AUTS2: variants seen among roughly 807,000 people sequenced by gnomAD.
The protein encoded by AUTS2 is autism susceptibility gene 2 protein.
A neutral mutation model predicts 112.4 loss-of-function variants in AUTS2; 17 were observed. The observed-to-expected ratio is 0.15, with a 90% CI of 0.10 to 0.23. The LOEUF (loss-of-function observed/expected upper bound fraction) is 0.23. Among genes scored for constraint, AUTS2 ranks in the 10% least tolerant of loss-of-function variants. AUTS2 has a pLI of 1.00. For synonymous variants in AUTS2, 751 were observed against 702.7 expected (o/e 1.07, Z -1.09); for missense variants, 1,510 against 1,701.6 (o/e 0.89, Z 1.98).
chr7:69,700,983 G>A (rs545141205), intron 1 of AUTS2, among the ~76,000 whole-genome samples: 2 of 152,222 alleles, frequency 1.3e-5, no homozygotes, highest in African/African-American at 4.8e-5. Context: ...GTCCTGTAAG[G>A]GTCCACATAG....
intron 4 of AUTS2, among the ~76,000 whole-genome samples, chr7:70,361,303 A>C (rs1792252983): frequency 6.6e-6 from 1 of 152,070 alleles, no homozygotes; most frequent in African/African-American, 2.4e-5. Context: ...ACTGCACTCC[A>C]GCCTGGGTAA....
chr7:70,036,590 CTCT>C (rs1316652416), intron 2 of AUTS2, among the ~76,000 whole-genome samples: 2 of 152,320 alleles, frequency 1.3e-5, no homozygotes, highest in Admixed American at 6.5e-5. Flanking sequence ...ATTTGCTCAC[CTCT>C]TCTTCTCCAC....
intron 2 of AUTS2, among the ~76,000 whole-genome samples, chr7:70,026,201 C>T (rs79922525): frequency 0.021 from 3,224 of 152,294 alleles, 133 homozygotes; most frequent in African/African-American, 0.074. Flanking sequence ...GGAAAACGCT[C>T]CTTAGTTTCA....
At chr7:69,819,215 C>G (rs1452847929) in intron 1 of AUTS2, among the ~76,000 whole-genome samples, 1 of 152,200 alleles carries the variant, frequency 6.6e-6, no homozygotes, top group Non-Finnish European at 1.5e-5. Context: ...TTTTCCTTTT[C>G]CAGTAGAAAT....
intron 4 of AUTS2, among the ~76,000 whole-genome samples, chr7:70,233,189 CCT>C (rs1367859508): frequency 6.6e-6 from 1 of 152,026 alleles, no homozygotes; most frequent in Non-Finnish European, 1.5e-5. Context: ...GAGCTGAATC[CCT>C]CTTGTAGAAA....
intron 2 of AUTS2, among the ~76,000 whole-genome samples, chr7:70,020,112 G>A (rs1385978452): frequency 6.6e-6 from 1 of 152,212 alleles, no homozygotes; most frequent in Non-Finnish European, 1.5e-5. Flanking sequence ...ACATGTTGAT[G>A]CATAGGGACA....
At chr7:70,524,916 T>A (rs1799780594) in intron 5 of AUTS2, among the ~76,000 whole-genome samples, 1 of 152,232 alleles carries the variant, frequency 6.6e-6, no homozygotes, top group South Asian at 2.1e-4. Context: ...AAAGTTTATG[T>A]CAGCTCGTCA....
At chr7:69,863,557 A>T (rs1793085404) in intron 1 of AUTS2, among the ~76,000 whole-genome samples, 1 of 152,192 alleles carries the variant, frequency 6.6e-6, no homozygotes. Context: ...TGTCTGTCAG[A>T]TTCTCATAGT....
intron 4 of AUTS2, among the ~76,000 whole-genome samples, chr7:70,429,478 A>G (rs563559427): frequency 6.6e-6 from 1 of 152,250 alleles, no homozygotes; most frequent in Non-Finnish European, 1.5e-5. Flanking sequence ...TTGGAGGAAT[A>G]GAATTCCCAG....
chr7:70,681,562 G>T (rs192042739), intron 5 of AUTS2, among the ~76,000 whole-genome samples: 85 of 151,464 alleles, frequency 5.6e-4, no homozygotes, highest in African/African-American at 1.9e-3. Flanking sequence ...AGAGTAACTT[G>T]TTCCCCCAAG....
intron 1 of AUTS2, among the ~76,000 whole-genome samples, chr7:69,694,219 A>G (rs1461662469): frequency 6.6e-6 from 1 of 152,200 alleles, no homozygotes; most frequent in Non-Finnish European, 1.5e-5. Flanking sequence ...TTCATTAAAA[A>G]CAAATAGGGA....
chr7:70,584,194 C>T (rs1802583434), intron 5 of AUTS2, among the ~76,000 whole-genome samples: 1 of 152,156 alleles, frequency 6.6e-6, no homozygotes, highest in Non-Finnish European at 1.5e-5. Context: ...TAGACAGCCG[C>T]ACTGCATTTA....
intron 1 of AUTS2, among the ~76,000 whole-genome samples, chr7:69,620,017 AT>A (rs2129089823): frequency 6.6e-6 from 1 of 152,332 alleles, no homozygotes; most frequent in Non-Finnish European, 1.5e-5. Flanking sequence ...AAATGCCTTC[AT>A]GAATCTACTT....
chr7:70,280,246 T>C (rs1239574756), intron 4 of AUTS2, among the ~76,000 whole-genome samples: 1 of 151,936 alleles, frequency 6.6e-6, no homozygotes, highest in Non-Finnish European at 1.5e-5. Flanking sequence ...GCTTTAGGAA[T>C]AAGTGAGGGA....
At chr7:70,467,642 G>A (rs545416038) in intron 5 of AUTS2, among the ~76,000 whole-genome samples, 1 of 152,272 alleles carries the variant, frequency 6.6e-6, no homozygotes, top group South Asian at 2.1e-4. Flanking sequence ...AACCCAACAG[G>A]GTGGTTGCTT....
At chr7:70,589,741 C>T (rs1364727173) in intron 5 of AUTS2, among the ~76,000 whole-genome samples, 4 of 152,000 alleles carry the variant, frequency 2.6e-5, no homozygotes, top group South Asian at 4.2e-4. Context: ...GAAAGAAAGT[C>T]GTGGGGATAT....
At chr7:70,032,154 G>A (rs532530755) in intron 2 of AUTS2, among the ~76,000 whole-genome samples, 4 of 151,852 alleles carry the variant, frequency 2.6e-5, no homozygotes, top group Admixed American at 1.3e-4. Context: ...TATGATCCAG[G>A]TCCTTAAAAA....
chr7:69,892,123 T>G (rs1794552674), intron 1 of AUTS2, among the ~76,000 whole-genome samples: 1 of 150,206 alleles, frequency 6.7e-6, no homozygotes, highest in Non-Finnish European at 1.5e-5. Context: ...TATCTGAATC[T>G]TTTGCTTATT....
At chr7:70,377,920 G>A (rs763917771) in intron 4 of AUTS2, among the ~76,000 whole-genome samples, 2 of 151,328 alleles carry the variant, frequency 1.3e-5, no homozygotes, top group Non-Finnish European at 2.9e-5. Context: ...ACAAGCGCCC[G>A]CCACCACGGC....
Sources: gnomAD v4.1 joint callset for allele counts (sites outside exome capture counted in the v4.1 genomes callset) on GRCh38, gnomAD v4.1.1 for gene constraint, MANE v1.5 for transcripts, NCBI Gene and HGNC (gene_info 2026-07-23, HGNC 2026-07-21) for gene names.